Variants in ZNF644 observed in about 807,000 individuals in gnomAD.
ZNF644 encodes the protein zinc finger protein 644.
A neutral mutation model predicts 108.0 loss-of-function variants in ZNF644; 20 were observed. The ratio of observed to expected loss-of-function variants is 0.19; its 90% confidence interval spans 0.13 to 0.27. The LOEUF (loss-of-function observed/expected upper bound fraction) is 0.27. ZNF644 is among the 10% of genes least tolerant of loss of function. The probability of loss-of-function intolerance (pLI) is 1.00; values close to 1 mark genes in which losing one functional copy is unlikely to be tolerated. For missense variants in ZNF644, 1,338 were observed against 1,548.9 expected (o/e 0.86, Z 2.29); for synonymous variants, 542 against 539.1 (o/e 1.01, Z -0.08).
Position 90,939,446 on chromosome 1 carries a change from A to G in ZNF644, c.1908T>C (p.Asp636=), listed in dbSNP as rs1043224823. The change falls in exon 3 of 6, where the codon GAT becomes GAC. Residue 636 remains aspartate (D), a synonymous_variant. Coordinates refer to ENST00000337393, the MANE Select transcript of ZNF644 (RefSeq NM_201269.3). ...RKNDILEEPV[D]SDSTKTLTKQ... is the part of the protein sequence containing the mutation. ...TAGTTAATGTTTTAGTGCTATCACT[A>G]TCTACAGGTTCTTCAAGGATGTCAT... 103 of 1,613,784 alleles carry G rather than the reference A, an allele frequency of 6.4e-5. No homozygotes were observed. Among genetic ancestry groups the G allele is most frequent in the Non-Finnish European group, 8.6e-5 (102 of 1,179,906 alleles).
At chr1:91,010,522 T>A (rs540486612) in intron 1 of ZNF644, among the ~76,000 whole-genome samples, 68 of 151,970 alleles carry the variant, frequency 4.5e-4, no homozygotes, top group African/African-American at 1.6e-3. Flanking sequence ...AAAATATCTG[T>A]GCTTTTTTAA....
intron 4 of ZNF644, 114 bp downstream of exon 4, chr1:90,937,371 A>AAG: frequency 6.9e-7 from 1 of 1,455,692 alleles, no homozygotes; most frequent in Non-Finnish European, 9.5e-7. Flanking sequence ...AAAAAAAAAA[A>AAG]GCAGCTTAAA....
Position 90,982,207 on chromosome 1 carries a change from A to G in ZNF644, c.44+103T>C. On this transcript the variant is annotated intron_variant, in intron 2 of 5. Transcript: ENST00000337393. The stretch of plus-strand genomic sequence containing the variant: ...TATTTGCATTTCAAAATTTTATTTA[A>G]AAACTCTTTGGTTCTGAACTCAACA... 7 of 960,734 alleles carry G rather than the reference A, an allele frequency of 7.3e-6. No individual in the cohort carries two copies. The South Asian group carries it at 1.0e-4, about 14-fold the overall frequency. The allele number at this position is 960,734 out of a possible 1,614,324, so 59.5% of individuals were successfully genotyped here.
chr1:91,011,690 A>T (rs1659970523), intron 1 of ZNF644, among the ~76,000 whole-genome samples: 1 of 152,226 alleles, frequency 6.6e-6, no homozygotes, highest in Non-Finnish European at 1.5e-5. Context: ...ACTTGTAAGC[A>T]ACTGTCCATA....
intron 2 of ZNF644, among the ~76,000 whole-genome samples, chr1:90,964,384 C>G (rs1654631707): frequency 6.6e-6 from 1 of 152,100 alleles, no homozygotes; most frequent in Non-Finnish European, 1.5e-5. Context: ...TGATAAATGA[C>G]ACCTGACCTA....
At chr1:90,986,536 T>G (rs1041032456) in intron 1 of ZNF644, among the ~76,000 whole-genome samples, 1 of 152,046 alleles carries the variant, frequency 6.6e-6, no homozygotes, top group Non-Finnish European at 1.5e-5. Flanking sequence ...TGTAAGATGT[T>G]AACAACAGGG....
chr1:90,973,686 C>T (rs1421733198), intron 2 of ZNF644, among the ~76,000 whole-genome samples: 2 of 151,962 alleles, frequency 1.3e-5, no homozygotes, highest in East Asian at 1.9e-4. Context: ...AAGGTAACCA[C>T]GATTTTTGTT....
intron 1 of ZNF644, among the ~76,000 whole-genome samples, chr1:90,991,943 C>CA: frequency 6.6e-6 from 1 of 152,114 alleles, no homozygotes; most frequent in Non-Finnish European, 1.5e-5. Context: ...GGTGAATCCT[C>CA]ACATTAAACA....
At chr1:90,974,285 C>A (rs1275091609) in intron 2 of ZNF644, among the ~76,000 whole-genome samples, 1 of 151,754 alleles carries the variant, frequency 6.6e-6, no homozygotes, top group Non-Finnish European at 1.5e-5. Flanking sequence ...GCCAAGATTG[C>A]GCCACTGCAC....
chr1:90,971,617 A>G (rs976310424), intron 2 of ZNF644, among the ~76,000 whole-genome samples: 30 of 152,086 alleles, frequency 2.0e-4, no homozygotes, highest in African/African-American at 6.7e-4. Flanking sequence ...ATGGGATTTC[A>G]CCATATTGAC....
At chr1:90,977,622 T>G (rs558319056) in intron 2 of ZNF644, among the ~76,000 whole-genome samples, 1 of 152,208 alleles carries the variant, frequency 6.6e-6, no homozygotes, top group Non-Finnish European at 1.5e-5. Flanking sequence ...AAAACAGATA[T>G]TCTCATAAAC....
intron 1 of ZNF644, among the ~76,000 whole-genome samples, chr1:91,015,946 TCAACC>T (rs1326915788): frequency 6.6e-6 from 1 of 152,224 alleles, no homozygotes; most frequent in Non-Finnish European, 1.5e-5. Flanking sequence ...TTATGTAATA[TCAACC>T]CTAAACCTCT....
intron 2 of ZNF644, among the ~76,000 whole-genome samples, chr1:90,946,643 A>C (rs1443902824): frequency 6.6e-6 from 1 of 152,180 alleles, no homozygotes; most frequent in Non-Finnish European, 1.5e-5. Context: ...ATTGTTGAAC[A>C]ATGAAAATAT....
At position 90,937,546 on chromosome 1, in the gene ZNF644, T is replaced by C. The variant is rs1485262647; in HGVS notation, c.3627A>G (p.Pro1209=). 3.7e-6 allele frequency: 6 copies of C among 1,613,808 alleles called. No individual in the cohort carries two copies. The African/African-American group carries it at 4.0e-5, about 11-fold the overall frequency. Residue 1209 remains proline, a synonymous_variant, in exon 4 of 6, where the codon CCA becomes CCG. Transcript: ENST00000337393. ...RKRFVQKCVL[P]LNEDSPLMYQ... ...ACATCAACGGACTATCCTCATTTAA[T>C]GGAAGAACGCATTTCTGAACGAATC...
rs988651473 is a variant in ZNF644 at position 90,997,630 on chromosome 1, C to T, written c.-17-15260G>A. ...TCCAGTCTACAGCTCCCAGTGTGAG[C>T]GATGCAGAACACAGGTGATTTCTGC... On this transcript the variant is annotated intron_variant, in intron 1 of 5. Coordinates refer to ENST00000337393, the MANE Select transcript of ZNF644 (RefSeq NM_201269.3). 7.2e-5 allele frequency among the ~76,000 whole-genome samples: 11 copies of T among 152,080 alleles called. 1 individual carries two copies. The South Asian group carries it at 8.3e-4, about 12-fold the overall frequency.
At chr1:91,020,027 A>G (rs2100715746) in intron 1 of ZNF644, among the ~76,000 whole-genome samples, 1 of 152,192 alleles carries the variant, frequency 6.6e-6, no homozygotes, top group East Asian at 1.9e-4. Flanking sequence ...CAATGGGTAG[A>G]GGCTGAAAGG....
chr1:90,944,690 A>C (rs113322619), intron 2 of ZNF644, among the ~76,000 whole-genome samples: 1,720 of 152,282 alleles, frequency 0.011, 14 homozygotes, highest in South Asian at 0.021. Flanking sequence ...TTCTTTACTG[A>C]GAGAAAATTA....
intron 1 of ZNF644, among the ~76,000 whole-genome samples, chr1:90,996,703 C>T (rs947362655): frequency 6.6e-6 from 1 of 152,138 alleles, no homozygotes; most frequent in Non-Finnish European, 1.5e-5. Flanking sequence ...ATCAGTTGAG[C>T]CCAAGACTTT....
intron 1 of ZNF644, among the ~76,000 whole-genome samples, chr1:90,999,092 G>A (rs1658485767): frequency 6.6e-6 from 1 of 152,194 alleles, no homozygotes; most frequent in South Asian, 2.1e-4. Flanking sequence ...GTGACAAGAA[G>A]AATGAAACCA....
Sources: allele counts gnomAD v4.1 joint callset (sites outside exome capture counted in the v4.1 genomes callset), GRCh38; gene constraint gnomAD v4.1.1; transcripts MANE v1.5; gene names NCBI Gene and HGNC (gene_info 2026-07-23, HGNC 2026-07-21).